ARHGAP24: variants seen among roughly 807,000 people sequenced by gnomAD.
ARHGAP24 encodes Rho GTPase activating protein 24.
In ARHGAP24, 50 loss-of-function variants were observed where a neutral mutation model predicts 76.4. That is an observed-to-expected ratio of 0.65 (90% CI 0.52 to 0.83). The LOEUF is 0.83. Ranked by LOEUF, ARHGAP24 falls within the 40% of genes least tolerant of loss-of-function variation. The pLI is 0.00. For synonymous variants in ARHGAP24, 345 were observed against 323.3 expected (o/e 1.07, Z -0.72); for missense variants, 930 against 914.2 (o/e 1.02, Z -0.22).
At chr4:85,948,065 T>C (rs1737394839) in intron 5 of ARHGAP24, among the ~76,000 whole-genome samples, 1 of 152,204 alleles carries the variant, frequency 6.6e-6, no homozygotes, top group African/African-American at 2.4e-5. Context: ...AATATACTTT[T>C]TGCTGAGGAG....
intron 2 of ARHGAP24, among the ~76,000 whole-genome samples, chr4:85,671,803 C>T (rs1031572524): frequency 6.6e-6 from 1 of 152,116 alleles, no homozygotes; most frequent in African/African-American, 2.4e-5. Flanking sequence ...CTTAATAATG[C>T]CTCTACTAAA....
intron 2 of ARHGAP24, among the ~76,000 whole-genome samples, chr4:85,676,517 G>A (rs1290747103): frequency 1.3e-5 from 2 of 152,126 alleles, no homozygotes; most frequent in Admixed American, 1.3e-4. Context: ...TGGTAGTGTT[G>A]GGTAAGTGGA....
intron 1 of ARHGAP24, among the ~76,000 whole-genome samples, chr4:85,547,563 G>C (rs1397833825): frequency 6.6e-6 from 1 of 152,052 alleles, no homozygotes; most frequent in African/African-American, 2.4e-5. Flanking sequence ...AGCCTCTTGA[G>C]TAGCTGAGAC....
intron 2 of ARHGAP24, among the ~76,000 whole-genome samples, chr4:85,669,679 ATATATATATATATG>A (rs1722758480): frequency 1.0e-5 from 1 of 97,396 alleles, no homozygotes; most frequent in African/African-American, 3.6e-5. Flanking sequence ...ATATATATAT[ATATATATATATATG>A]TGATATATAT....
chr4:85,780,994 T>C (rs1422767815), intron 3 of ARHGAP24, among the ~76,000 whole-genome samples: 3 of 152,256 alleles, frequency 2.0e-5, no homozygotes, highest in Admixed American at 1.3e-4. Flanking sequence ...CTAAGTGTTT[T>C]ATTTTAGTCC....
At chr4:85,770,440 T>G (rs1727091681) in intron 3 of ARHGAP24, among the ~76,000 whole-genome samples, 2 of 152,232 alleles carry the variant, frequency 1.3e-5, no homozygotes, top group African/African-American at 4.8e-5. Context: ...CTTCCTAGGT[T>G]TGTTTTCTTG....
At chr4:85,668,879 G>A (rs954021251) in intron 2 of ARHGAP24, among the ~76,000 whole-genome samples, 1 of 152,184 alleles carries the variant, frequency 6.6e-6, no homozygotes, top group Non-Finnish European at 1.5e-5. Context: ...AAAGGAGATG[G>A]AAAGATAAAA....
intron 2 of ARHGAP24, among the ~76,000 whole-genome samples, chr4:85,667,443 G>C (rs1314614869): frequency 1.3e-5 from 2 of 152,090 alleles, no homozygotes; most frequent in Admixed American, 1.3e-4. Context: ...CTGACCCCTT[G>C]TGCTTCCTGA....
intron 1 of ARHGAP24, among the ~76,000 whole-genome samples, chr4:85,533,659 T>C (rs1480946994): frequency 5.9e-5 from 9 of 152,176 alleles, no homozygotes; most frequent in Non-Finnish European, 1.3e-4. Flanking sequence ...CTTTATATAA[T>C]CTGAAATATA....
chr4:85,797,367 A>G (rs1407437027), intron 3 of ARHGAP24, among the ~76,000 whole-genome samples: 4 of 151,690 alleles, frequency 2.6e-5, no homozygotes, highest in African/African-American at 9.7e-5. Context: ...TAGAGACAGG[A>G]TTTCACCGTG....
chr4:85,563,831 C>T lies in ARHGAP24; in HGVS notation c.-20-6691C>T, dbSNP rs76902706. 2.2e-4 allele frequency among the ~76,000 whole-genome samples: 33 copies of T among 152,224 alleles called. No individual in the cohort carries two copies. In the East Asian group the frequency reaches 2.9e-3, roughly 13 times the overall value. On this transcript the variant is annotated intron_variant, in intron 1 of 9. Transcript: ENST00000395184. The stretch of plus-strand genomic sequence containing the variant: ...CTGAGCCAATGTAGAGAGCTGAACA[C>T]ATTAAATCAAGTAAGGGGTGACTGA...
Position 85,976,876 on chromosome 4 carries a change from G to A in ARHGAP24, c.807-694G>A, listed in dbSNP as rs556972626. Among the ~76,000 whole-genome samples the A allele has an allele frequency of 8.6e-5, 13 of 150,306 alleles. No homozygotes were observed. In the South Asian group the frequency reaches 1.9e-3, roughly 22 times the overall value. On this transcript the variant is annotated intron_variant, in intron 7 of 9. Coordinates refer to ENST00000395184, the MANE Select transcript of ARHGAP24 (RefSeq NM_001025616.3). ...TGGCTCACTGCAACCTCCGCCTCCC[G>A]AGTTCAAGCGATTCTCCTGCCTCAG...
chr4:85,515,487 C>CATATATAT (rs139510233), intron 1 of ARHGAP24, among the ~76,000 whole-genome samples: 6 of 144,996 alleles, frequency 4.1e-5, no homozygotes, highest in African/African-American at 1.0e-4. Context: ...TAAACTAGGA[C>CATATATAT]ATATATATAT....
chr4:85,504,306 C>T (rs2128094), intron 1 of ARHGAP24, among the ~76,000 whole-genome samples: 147,296 of 152,212 alleles, frequency 0.97, 71,454 homozygotes, highest in East Asian at 1. Context: ...TGTCTAATAT[C>T]GACAGTGGGG....
intron 2 of ARHGAP24, among the ~76,000 whole-genome samples, chr4:85,708,837 A>G (rs1724414825): frequency 6.6e-6 from 1 of 152,228 alleles, no homozygotes; most frequent in Non-Finnish European, 1.5e-5. Flanking sequence ...TTCTCCTGGG[A>G]GAATAAAAGA....
At position 85,622,316 on chromosome 4, in the gene ARHGAP24, A is replaced by G. The variant is rs1470431531; in HGVS notation, c.180+51595A>G. On this transcript the variant is annotated intron_variant, in intron 2 of 9. Transcript: ENST00000395184. ...CTGTGTCCATGTGTTCTCATTGTTC[A>G]GTTCCCACCTATGAGTGAGAACATG... 2.4e-5 allele frequency among the ~76,000 whole-genome samples: 3 copies of G among 122,596 alleles called. No homozygotes were observed. The East Asian group carries it at 8.0e-4, about 33-fold the overall frequency. The allele number at this position is 122,596 out of a possible 152,430, so 80.4% of individuals were successfully genotyped here.
chr4:85,804,219 A>G (rs1728697941), intron 3 of ARHGAP24, among the ~76,000 whole-genome samples: 1 of 152,206 alleles, frequency 6.6e-6, no homozygotes, highest in East Asian at 1.9e-4. Context: ...TGAGCAGTAT[A>G]ATGAACATTG....
intron 3 of ARHGAP24, among the ~76,000 whole-genome samples, chr4:85,865,902 A>G (rs1732172973): frequency 6.6e-6 from 1 of 152,084 alleles, no homozygotes; most frequent in African/African-American, 2.4e-5. Flanking sequence ...TAGGCAATTT[A>G]TATTGAAAAA....
chr4:85,920,149 C>T (rs983902913), intron 3 of ARHGAP24, among the ~76,000 whole-genome samples: 1 of 152,074 alleles, frequency 6.6e-6, no homozygotes, highest in East Asian at 1.9e-4. Context: ...TCTCTGGGAT[C>T]GATTAATGTA....
Sources: allele counts gnomAD v4.1 joint callset (sites outside exome capture counted in the v4.1 genomes callset), GRCh38; gene constraint gnomAD v4.1.1; transcripts MANE v1.5; gene names NCBI Gene and HGNC (gene_info 2026-07-23, HGNC 2026-07-21).